Variants in KIF16B observed in about 807,000 individuals in gnomAD.
The protein encoded by KIF16B is kinesin-like protein KIF16B.
KIF16B carries 98 observed loss-of-function variants against 156.3 expected under a neutral mutation model. The observed-to-expected ratio is 0.63, with a 90% confidence interval of 0.53 to 0.74. The LOEUF is 0.74. KIF16B is among the 30% of genes least tolerant of loss of function. The probability of loss-of-function intolerance (pLI) is 0.00; values close to 1 mark genes in which losing one functional copy is unlikely to be tolerated. For missense variants in KIF16B, 1,421 were observed against 1,606.5 expected (o/e 0.88, Z 1.97); for synonymous variants, 564 against 583.7 (o/e 0.97, Z 0.49).
chr20:16,479,222 G>A (rs896885948), intron 12 of KIF16B, among the ~76,000 whole-genome samples: 1 of 152,190 alleles, frequency 6.6e-6, no homozygotes, highest in South Asian at 2.1e-4. Context: ...GGATGGAGCT[G>A]GAAGCCATTA....
intron 3 of KIF16B, among the ~76,000 whole-genome samples, chr20:16,519,479 A>G (rs1325278100): frequency 6.6e-6 from 1 of 152,194 alleles, no homozygotes; most frequent in Non-Finnish European, 1.5e-5. Flanking sequence ...TCCAACTTTA[A>G]CATTTACATT....
At chr20:16,281,752 G>A (rs1364657036) in intron 25 of KIF16B, among the ~76,000 whole-genome samples, 1 of 152,058 alleles carries the variant, frequency 6.6e-6, no homozygotes, top group Non-Finnish European at 1.5e-5. Context: ...CCTGGGTATT[G>A]AGCTGAATGA....
chr20:16,310,014 A>C (rs1281809234), intron 25 of KIF16B, among the ~76,000 whole-genome samples: 1 of 152,252 alleles, frequency 6.6e-6, no homozygotes, highest in African/African-American at 2.4e-5. Flanking sequence ...TTTCATATGA[A>C]AATAGTCGCA....
intron 24 of KIF16B, among the ~76,000 whole-genome samples, chr20:16,317,628 G>A (rs1439051197): frequency 6.6e-6 from 1 of 152,170 alleles, no homozygotes; most frequent in Non-Finnish European, 1.5e-5. Flanking sequence ...GCAATGACTC[G>A]ATTTGTTCCT....
chr20:16,430,575 C>G (rs1419468065), intron 12 of KIF16B, among the ~76,000 whole-genome samples: 1 of 152,138 alleles, frequency 6.6e-6, no homozygotes, highest in African/African-American at 2.4e-5. Flanking sequence ...TTTCTCTGTG[C>G]CTTTTAGAGA....
At position 16,280,867 on chromosome 20, in the gene KIF16B, T is replaced by TGTGCGC. The variant is rs758721339; in HGVS notation, c.3796-7457_3796-7456insGCGCAC. On this transcript the variant is annotated intron_variant, in intron 25 of 25. Transcript: ENST00000354981. ...GTGTGTGTGTGTGTGTGTGTGTGTG[T>TGTGCGC]GCGCAGAAAATGCAAGCATGAGAAT... is the stretch of plus-strand genomic sequence containing the variant. Among the ~76,000 whole-genome samples the TGTGCGC allele has an allele frequency of 7.4e-4, 111 of 150,898 alleles. 1 individual carries two copies. The East Asian group carries it at 0.011, about 15-fold the overall frequency.
intron 1 of KIF16B, among the ~76,000 whole-genome samples, chr20:16,535,770 A>T (rs912342774): frequency 1.3e-5 from 2 of 152,230 alleles, no homozygotes; most frequent in African/African-American, 4.8e-5. Context: ...TATCAGGGAA[A>T]TGCAAATCAA....
chr20:16,313,102 C>T (rs750660399), intron 24 of KIF16B, among the ~76,000 whole-genome samples: 6 of 152,206 alleles, frequency 3.9e-5, no homozygotes, highest in Non-Finnish European at 8.8e-5. Context: ...ACTACAGATT[C>T]CCAGGCAAGA....
At chr20:16,409,233 A>G (rs1235412940) in intron 15 of KIF16B, among the ~76,000 whole-genome samples, 1 of 152,076 alleles carries the variant, frequency 6.6e-6, no homozygotes, top group South Asian at 2.1e-4. Context: ...AGTGTCTTGC[A>G]TAAAAGCAAT....
At chr20:16,465,767 T>TA (rs11484109) in intron 12 of KIF16B, among the ~76,000 whole-genome samples, 21,879 of 147,170 alleles carry the variant, frequency 0.15, 1,931 homozygotes, top group Non-Finnish European at 0.21. Flanking sequence ...TCCTCTCACT[T>TA]AAAAAAAAAA....
At chr20:16,429,106 G>T in intron 13 of KIF16B, 102 bp from the exon 14 acceptor site, 1 of 948,752 alleles carries the variant, frequency 1.1e-6, no homozygotes, top group South Asian at 1.3e-5. Flanking sequence ...CCAATGGGAT[G>T]AACAACATCC....
At chr20:16,554,306 G>C (rs1416996110) in intron 1 of KIF16B, among the ~76,000 whole-genome samples, 1 of 152,154 alleles carries the variant, frequency 6.6e-6, no homozygotes, top group South Asian at 2.1e-4. Context: ...GACTCGAAAA[G>C]ACAATGACCT....
chr20:16,388,505 G>T (rs1392137989), intron 17 of KIF16B, among the ~76,000 whole-genome samples: 1 of 152,050 alleles, frequency 6.6e-6, no homozygotes, highest in Non-Finnish European at 1.5e-5. Flanking sequence ...TTTCCCAAAT[G>T]TTATAATTAA....
intron 15 of KIF16B, among the ~76,000 whole-genome samples, chr20:16,426,590 T>G (rs573711474): frequency 2.6e-5 from 4 of 152,256 alleles, no homozygotes; most frequent in African/African-American, 9.6e-5. Flanking sequence ...AAATACACAA[T>G]GAAGTATTCA....
chr20:16,431,811 C>G (rs1029862210), intron 12 of KIF16B, among the ~76,000 whole-genome samples: 4 of 151,488 alleles, frequency 2.6e-5, no homozygotes, highest in Non-Finnish European at 5.9e-5. Context: ...AAATAGCAAC[C>G]ACCAATGTTC....
At position 16,430,635 on chromosome 20, in the gene KIF16B, C is replaced by G. The variant is rs1297463711; in HGVS notation, c.1303-653G>C. Among the ~76,000 whole-genome samples, 3 of 152,012 alleles carry G rather than the reference C, an allele frequency of 2.0e-5. No homozygotes were observed. In the East Asian group the frequency reaches 5.8e-4, roughly 29 times the overall value. ...TACTTTCAGTTCTTCAATTCCTTCC[C>G]TCTTACTCTCTCTTGAACTCCCTCT... On this transcript the variant is annotated intron_variant, in intron 12 of 25. Transcript: ENST00000354981.
At chr20:16,516,296 G>A (rs2069140703) in intron 3 of KIF16B, among the ~76,000 whole-genome samples, 1 of 152,096 alleles carries the variant, frequency 6.6e-6, no homozygotes, top group African/African-American at 2.4e-5. Flanking sequence ...TGGGGTGGGG[G>A]TCACACACAT....
In KIF16B at chr20:16,379,664, G is replaced by A. The variant is rs147795685; in HGVS notation, c.2338C>T (p.Arg780Trp). The A allele has an allele frequency of 7.9e-5, 128 of 1,613,984 alleles. No homozygotes were observed. The Middle Eastern group carries it at 8.2e-4, about 10-fold the overall frequency. ...TCCACCCACTGTACCTCCCCACGCC[G>A]CAGGAGCTGGATCATCTCCTGCTTC... ...REKQEMIQLL[R>W]RGEVQWVEEE... is the part of the protein sequence containing the mutation. Residue 780 changes from arginine (R) to tryptophan (W), a missense_variant, in exon 19 of 26, where the codon CGG (arginine) becomes TGG (tryptophan). Transcript: ENST00000354981.
At chr20:16,430,948 A>G (rs919011741) in intron 12 of KIF16B, among the ~76,000 whole-genome samples, 1 of 148,368 alleles carries the variant, frequency 6.7e-6, no homozygotes, top group Non-Finnish European at 1.5e-5. Flanking sequence ...ACAAAAAACA[A>G]AAAACAAAAC....
Sources: gnomAD v4.1 joint callset for allele counts (sites outside exome capture counted in the v4.1 genomes callset) on GRCh38, gnomAD v4.1.1 for gene constraint, MANE v1.5 for transcripts, NCBI Gene and HGNC (gene_info 2026-07-23, HGNC 2026-07-21) for gene names.